MREG: variants seen among roughly 807,000 people sequenced by gnomAD.
The protein encoded by MREG is melanoregulin, also known as dilute suppressor protein homolog.
Under a neutral mutation model 28.5 loss-of-function variants are expected in MREG, and 31 were observed. The observed-to-expected ratio is 1.09, with a 90% CI of 0.82 to 1.47. The LOEUF is 1.47. Ranked by LOEUF, MREG falls within the 40% of genes most tolerant of loss-of-function variation. The pLI, the probability that MREG is intolerant of heterozygous loss-of-function variation, is 0.00. For synonymous variants in MREG, 106 were observed against 95.2 expected (o/e 1.11, Z -0.66); for missense variants, 256 against 257.4 (o/e 0.99, Z 0.04).
intron 2 of MREG, among the ~76,000 whole-genome samples, chr2:215,972,860 T>C (rs549755486): frequency 3.1e-4 from 47 of 152,294 alleles, no homozygotes; most frequent in African/African-American, 1.1e-3. Flanking sequence ...TCTTCCAAAA[T>C]TGGAGAGCAG....
intron 2 of MREG, among the ~76,000 whole-genome samples, chr2:215,958,094 C>T (rs1006274752): frequency 3.4e-5 from 4 of 116,706 alleles, no homozygotes; most frequent in African/African-American, 6.7e-5. Flanking sequence ...CATCACACAC[C>T]GGGGACTGTT....
At chr2:216,022,141 C>T (rs968058159) in intron 1 of MREG, among the ~76,000 whole-genome samples, 68 of 152,182 alleles carry the variant, frequency 4.5e-4, no homozygotes, top group African/African-American at 1.6e-3. Flanking sequence ...ATCCCAACTA[C>T]TTGGGAGGCT....
intron 2 of MREG, among the ~76,000 whole-genome samples, chr2:215,957,614 G>C (rs1035191864): frequency 6.6e-6 from 1 of 152,142 alleles, no homozygotes; most frequent in Non-Finnish European, 1.5e-5. Flanking sequence ...CTGCAGCAGG[G>C]AGGGCTGTGA....
chr2:215,957,649 G>C (rs1212404988), intron 2 of MREG, among the ~76,000 whole-genome samples: 2 of 152,102 alleles, frequency 1.3e-5, no homozygotes, highest in Non-Finnish European at 2.9e-5. Flanking sequence ...TTTCTGAAAG[G>C]AGGTTTCAGG....
upstream of MREG, among the ~76,000 whole-genome samples, chr2:216,014,782 C>T (rs980011583): frequency 2.6e-5 from 4 of 152,166 alleles, no homozygotes; most frequent in Non-Finnish European, 5.9e-5. Flanking sequence ...AGAAATAATC[C>T]GAATTTACTC....
Position 215,963,509 on chromosome 2 carries a change from A to G in MREG, c.256-16396T>C, listed in dbSNP as rs530094533. Reference sequence around the variant, plus strand: ...CGTGTTGAAATGATAATTTTGTTATATAACTGATTAAATAAGACTATTAAA... The same window carrying G: ...CGTGTTGAAATGATAATTTTGTTATGTAACTGATTAAATAAGACTATTAAA... On this transcript the variant is annotated intron_variant, in intron 2 of 4. Coordinates refer to ENST00000263268, the MANE Select transcript of MREG (RefSeq NM_018000.3). 1.7e-3 allele frequency among the ~76,000 whole-genome samples: 250 copies of G among 150,590 alleles called. 2 individuals are homozygous for G. Among genetic ancestry groups the G allele is most frequent in the Non-Finnish European group, 1.5e-3 (100 of 67,964 alleles).
intron 1 of MREG, among the ~76,000 whole-genome samples, chr2:215,997,588 T>C (rs918246178): frequency 2.4e-4 from 37 of 152,202 alleles, no homozygotes; most frequent in African/African-American, 8.7e-4. Context: ...CACTAGAGTC[T>C]AGCATGGGAA....
Position 215,949,078 on chromosome 2 carries a change from CTACTACTACTAATAA to C in MREG, c.256-1980_256-1966del, listed in dbSNP as rs1475423390. 1.9e-4 allele frequency among the ~76,000 whole-genome samples: 17 copies of C among 88,976 alleles called. No homozygotes were observed. In the East Asian group the frequency reaches 2.8e-3, roughly 14 times the overall value. 58.4% of individuals were successfully genotyped at this position (88,976 alleles called of 152,430 possible). ...ACTACTACTACTACTACTACTACTA[CTACTACTACTAATAA>C]TAATAATAATAATACAAAAATTAGC... On this transcript the variant is annotated intron_variant, in intron 2 of 4. Transcript: ENST00000263268.
At chr2:215,961,591 A>C (rs1403486868) in intron 2 of MREG, among the ~76,000 whole-genome samples, 1 of 151,862 alleles carries the variant, frequency 6.6e-6, no homozygotes, top group Non-Finnish European at 1.5e-5. Context: ...ATGCCCGTCT[A>C]ATTTTTGTAT....
intron 1 of MREG, 71 bp downstream of exon 1, chr2:216,013,162 A>C (rs534881981): frequency 5.0e-5 from 67 of 1,344,676 alleles, no homozygotes; most frequent in Non-Finnish European, 6.5e-5. Flanking sequence ...ACAAGCACAC[A>C]GGTGTCCACA....
At chr2:216,007,341 A>G (rs1694181113) in intron 1 of MREG, among the ~76,000 whole-genome samples, 2 of 152,196 alleles carry the variant, frequency 1.3e-5, no homozygotes, top group Non-Finnish European at 2.9e-5. Context: ...GGCAACACTC[A>G]GGCTTCTTGG....
At chr2:215,945,489 G>A (rs753740141) in intron 4 of MREG, 82 bp downstream of exon 4, 7 of 1,494,358 alleles carry the variant, frequency 4.7e-6, no homozygotes, top group Non-Finnish European at 1.8e-6. Flanking sequence ...GGTGGTGTTG[G>A]AATACGGAGG....
Position 215,944,749 on chromosome 2 carries a change from A to AT in MREG, c.*113dup. On this transcript the variant is annotated 3_prime_UTR_variant, in exon 5 of 5. Transcript: ENST00000263268. ...TTACATTTATGTAGAATTCAGTATCATTTTTCACTAAGCAAACTCTATTTG... is the reference window on the plus strand; with the variant it reads ...TTACATTTATGTAGAATTCAGTATCATTTTTTCACTAAGCAAACTCTATTTG... 8.9e-7 allele frequency: 1 copy of AT among 1,123,620 alleles called. No individual in the cohort carries two copies. The highest frequency in any genetic ancestry group is 1.2e-6 in the Non-Finnish European group (1 of 817,762). The allele number at this position is 1,123,620 out of a possible 1,614,324, so 69.6% of individuals were successfully genotyped here.
chr2:216,021,040 T>A (rs1170425864), intron 1 of MREG, among the ~76,000 whole-genome samples: 1 of 152,182 alleles, frequency 6.6e-6, no homozygotes, highest in Non-Finnish European at 1.5e-5. Flanking sequence ...TGCACTAGAA[T>A]CCCTAGGGAT....
rs1559204173 is a variant in MREG at position 216,031,699 on chromosome 2, A to AGAG, written c.-68+1089_-68+1090insCTC. Among the ~76,000 whole-genome samples the AGAG allele has an allele frequency of 6.3e-3, 800 of 127,502 alleles. 4 individuals are homozygous for AGAG. Among genetic ancestry groups the AGAG allele is most frequent in the African/African-American group, 0.015 (542 of 35,506 alleles). The allele number at this position is 127,502 out of a possible 152,430, so 83.6% of individuals were successfully genotyped here. A position where few individuals can be genotyped will look rare whatever the true frequency, so the allele number is the denominator to read the frequency against. ...AGAAAGAAAGAAAGAAAGAGAAAGA[A>AGAG]AGAAAGAAAGAAAGGGAAATGAAAA... On this transcript the variant is annotated intron_variant, in intron 1 of 3. Coordinates refer to the MREG transcript ENST00000420348.
chr2:215,947,475 C>T (rs1000652181), intron 2 of MREG, among the ~76,000 whole-genome samples: 3 of 152,156 alleles, frequency 2.0e-5, no homozygotes, highest in South Asian at 4.1e-4. Context: ...ACAATATCTG[C>T]ACACAGTGAG....
chr2:215,996,398 T>G lies in MREG; in HGVS notation c.163A>C (p.Met55Leu). 2 of 1,613,390 alleles carry G rather than the reference T, an allele frequency of 1.2e-6. No individual in the cohort carries two copies. The highest frequency in any genetic ancestry group is 1.7e-6 in the Non-Finnish European group (2 of 1,179,296). ...VRDDEKNLWSMPHDVSHTEAD... is the reference protein window; with the variant it reads ...VRDDEKNLWSLPHDVSHTEAD... ...TCTGTGTGGGACACATCATGGGGCA[T>G]ACTCCATAAATTCTTCTCATCATCC... The change falls in exon 2 of 5, where the codon ATG (methionine) becomes CTG (leucine). Residue 55 changes from methionine (M) to leucine (L), a missense_variant. Transcript: ENST00000263268.
intron 2 of MREG, among the ~76,000 whole-genome samples, chr2:215,992,444 C>G (rs1411539161): frequency 6.6e-6 from 1 of 152,086 alleles, no homozygotes; most frequent in Non-Finnish European, 1.5e-5. Flanking sequence ...TATGACAAAC[C>G]CACGGCCAGT....
chr2:216,011,761 A>G (rs1334243121), intron 1 of MREG, among the ~76,000 whole-genome samples: 2 of 152,234 alleles, frequency 1.3e-5, no homozygotes, highest in African/African-American at 4.8e-5. Context: ...TGAAACAGCA[A>G]TCCTGGACAG....
Sources: allele counts gnomAD v4.1 joint callset (sites outside exome capture counted in the v4.1 genomes callset), GRCh38; gene constraint gnomAD v4.1.1; transcripts MANE v1.5; gene names NCBI Gene and HGNC (gene_info 2026-07-23, HGNC 2026-07-21).